The following TBC1D32 variants were observed in gnomAD, a reference collection of about 807,000 sequenced individuals.
The protein encoded by TBC1D32 is protein broad-minded.
In TBC1D32, 151 loss-of-function variants were observed where a neutral mutation model predicts 170.3. The observed-to-expected ratio is 0.89, with a 90% CI of 0.78 to 1.01. The LOEUF (loss-of-function observed/expected upper bound fraction) is 1.01. Ranked by LOEUF, TBC1D32 falls within the 50% of genes least tolerant of loss-of-function variation. The pLI is 0.00. For missense variants in TBC1D32, 1,464 were observed against 1,457.1 expected, an observed-to-expected ratio of 1.00 and a Z score of -0.08; for synonymous variants, 498 against 488.0, an observed-to-expected ratio of 1.02 and a Z score of -0.27.
chr6:121,184,011 G>C (rs867185181), intron 22 of TBC1D32, among the ~76,000 whole-genome samples: 1 of 152,016 alleles, frequency 6.6e-6, no homozygotes, highest in Admixed American at 6.6e-5. Context: ...TTACAATAGT[G>C]TATCTGTTCA....
In TBC1D32 at chr6:121,162,713, T is replaced by C. The variant is rs530020534; in HGVS notation, c.2571-1657A>G. Among the ~76,000 whole-genome samples the C allele has an allele frequency of 1.5e-3, 235 of 152,102 alleles. 1 individual carries two copies. The highest frequency in any genetic ancestry group is 0.014 in the Middle Eastern group (4 of 294). On this transcript the variant is annotated intron_variant, in intron 22 of 31. Transcript: ENST00000398212. ...AAAGTCTCAGGATACAAAATCAACA[T>C]GCAGAGCCAAGATGGCCGAATAGGA...
At chr6:121,285,585 A>G (rs1372502072) in intron 12 of TBC1D32, among the ~76,000 whole-genome samples, 1 of 152,160 alleles carries the variant, frequency 6.6e-6, no homozygotes, top group Non-Finnish European at 1.5e-5. Context: ...TCCCAGCGTG[A>G]GCGACGCAGA....
chr6:121,179,199 T>TAC (rs1440166149), intron 22 of TBC1D32, among the ~76,000 whole-genome samples: 25 of 151,548 alleles, frequency 1.6e-4, no homozygotes, highest in Admixed American at 5.9e-4. Flanking sequence ...TACATATATA[T>TAC]ACACACACAC....
intron 30 of TBC1D32, among the ~76,000 whole-genome samples, chr6:121,098,437 T>C (rs1777664173): frequency 6.6e-6 from 1 of 151,904 alleles, no homozygotes; most frequent in African/African-American, 2.4e-5. Context: ...CCTTACACTA[T>C]CGGAATGACC....
At chr6:121,280,680 T>C (rs1802861390) in intron 14 of TBC1D32, among the ~76,000 whole-genome samples, 1 of 151,682 alleles carries the variant, frequency 6.6e-6, no homozygotes, top group South Asian at 2.1e-4. Flanking sequence ...TAACCTTATT[T>C]AGAAAGTGCA....
chr6:121,301,984 G>A (rs1806556973), intron 9 of TBC1D32, among the ~76,000 whole-genome samples: 1 of 152,022 alleles, frequency 6.6e-6, no homozygotes, highest in African/African-American at 2.4e-5. Context: ...TTAACCAAAG[G>A]TTAATCAAAA....
intron 12 of TBC1D32, among the ~76,000 whole-genome samples, chr6:121,285,684 T>A (rs942397819): frequency 2.0e-5 from 3 of 152,162 alleles, no homozygotes; most frequent in African/African-American, 7.2e-5. Context: ...ACTGACAGAC[T>A]GCCTCCTCAA....
intron 22 of TBC1D32, among the ~76,000 whole-genome samples, chr6:121,203,884 T>C (rs1001826335): frequency 8.6e-5 from 13 of 151,304 alleles, no homozygotes; most frequent in Admixed American, 8.5e-4. Context: ...CCCAGGAGCA[T>C]TTCACTTCTT....
intron 3 of TBC1D32, 62 bp from the exon 4 acceptor site, chr6:121,310,909 T>C (rs1808093805): frequency 6.5e-6 from 6 of 920,426 alleles, no homozygotes; most frequent in Non-Finnish European, 1.0e-5. Context: ...TTGCTATAAG[T>C]TATTTTTTCA....
intron 19 of TBC1D32, 112 bp from the exon 20 acceptor site, chr6:121,239,300 T>A: frequency 2.0e-6 from 1 of 510,812 alleles, no homozygotes; most frequent in Middle Eastern, 5.5e-4. Context: ...AGAAGACACA[T>A]ACTTGCATCT....
At chr6:121,118,047 A>G (rs1284687834) in intron 26 of TBC1D32, among the ~76,000 whole-genome samples, 1 of 152,194 alleles carries the variant, frequency 6.6e-6, no homozygotes, top group African/African-American at 2.4e-5. Flanking sequence ...TTGATCTAGG[A>G]AAAACAGTGT....
chr6:121,207,277 C>G (rs533281112), intron 21 of TBC1D32, among the ~76,000 whole-genome samples: 12 of 151,996 alleles, frequency 7.9e-5, no homozygotes. Flanking sequence ...GTAGGGAATT[C>G]GTATAGGTGA....
chr6:121,162,441 G>A (rs940483464), intron 22 of TBC1D32, among the ~76,000 whole-genome samples: 3 of 152,114 alleles, frequency 2.0e-5, no homozygotes, highest in African/African-American at 7.2e-5. Context: ...CCCACAGACA[G>A]TATCATACTA....
chr6:121,239,108 T>C lies in TBC1D32; in HGVS notation c.2326A>G (p.Thr776Ala), dbSNP rs1387995294. Residue 776 changes from threonine to alanine, a missense_variant, in exon 20 of 32, where the codon ACT (threonine) becomes GCT (alanine). Coordinates refer to ENST00000398212, the MANE Select transcript of TBC1D32 (RefSeq NM_152730.6). ...RDDVRVTHPR[T>A]TPVDPIDRSC... ...CGGTCAATAGGATCCACTGGAGTAG[T>C]TCTGGGATGGGTTACCCTAACATCA... is the stretch of plus-strand genomic sequence containing the variant. 6.2e-7 allele frequency: 1 copy of C among 1,604,902 alleles called. No individual in the cohort carries two copies. The highest frequency in any genetic ancestry group is 1.1e-5 in the South Asian group (1 of 89,822).
chr6:121,314,328 T>A (rs1380224689), intron 3 of TBC1D32, among the ~76,000 whole-genome samples: 2 of 152,194 alleles, frequency 1.3e-5, no homozygotes, highest in Non-Finnish European at 2.9e-5. Flanking sequence ...CATCCTGCAA[T>A]CTGAAGGTCC....
At chr6:121,311,629 G>A (rs529514096) in intron 3 of TBC1D32, among the ~76,000 whole-genome samples, 32 of 151,872 alleles carry the variant, frequency 2.1e-4, no homozygotes, top group African/African-American at 6.8e-4. Flanking sequence ...TCGGGAGGCC[G>A]AGGCAGGAGA....
intron 29 of TBC1D32, among the ~76,000 whole-genome samples, chr6:121,106,924 C>G (rs73766702): frequency 0.018 from 2,712 of 151,792 alleles, 80 homozygotes; most frequent in African/African-American, 0.061. Context: ...CAATAATGTA[C>G]TGTGTATTAC....
chr6:121,100,204 G>A (rs1170169709), intron 30 of TBC1D32, among the ~76,000 whole-genome samples: 1 of 151,934 alleles, frequency 6.6e-6, no homozygotes, highest in Non-Finnish European at 1.5e-5. Context: ...GTCAATTTTG[G>A]AATAAGTGCG....
intron 24 of TBC1D32, among the ~76,000 whole-genome samples, chr6:121,137,092 T>C (rs1321756715): frequency 6.6e-6 from 1 of 152,110 alleles, no homozygotes; most frequent in Non-Finnish European, 1.5e-5. Flanking sequence ...GATAAGAGGT[T>C]CTGACTGCTT....
Sources: gnomAD v4.1 joint callset for allele counts (sites outside exome capture counted in the v4.1 genomes callset) on GRCh38, gnomAD v4.1.1 for gene constraint, MANE v1.5 for transcripts, NCBI Gene and HGNC (gene_info 2026-07-23, HGNC 2026-07-21) for gene names.